AGAP1: variants seen among roughly 807,000 people sequenced by gnomAD.
AGAP1 encodes the protein ArfGAP with GTPase domain, ankyrin repeat and PH domain 1, also known as arf-GAP with GTPase, ANK repeat and PH domain-containing protein 1.
A neutral mutation model predicts 105.3 loss-of-function variants in AGAP1; 29 were observed. That is an observed-to-expected ratio of 0.28 (90% CI 0.21 to 0.38). The LOEUF is 0.38. Among genes scored for constraint, AGAP1 ranks in the 10% least tolerant of loss-of-function variants. The pLI, the probability that AGAP1 is intolerant of heterozygous loss-of-function variation, is 1.00. For synonymous variants in AGAP1, 509 were observed against 485.9 expected (o/e 1.05, Z -0.63); for missense variants, 998 against 1,165.1 (o/e 0.86, Z 2.09).
At chr2:235,846,828 A>G (rs938904970) in intron 9 of AGAP1, among the ~76,000 whole-genome samples, 1 of 152,048 alleles carries the variant, frequency 6.6e-6, no homozygotes, top group African/African-American at 2.4e-5. Context: ...GGGTCTCACT[A>G]TGTGTCCCAG....
In AGAP1 at chr2:235,726,970, A is replaced by G. The variant is rs371133837; in HGVS notation, c.310+9326A>G. Among the ~76,000 whole-genome samples the G allele has an allele frequency of 7.1e-4, 108 of 152,358 alleles. 1 individual carries two copies. The highest frequency in any genetic ancestry group is 2.5e-3 in the African/African-American group (105 of 41,586). ...TGTTGGGTGGGCATCATGCCCAGCA[A>G]GGTCTCCCCACTTGGTAGCAAGCCC... On this transcript the variant is annotated intron_variant, in intron 3 of 17. Coordinates refer to ENST00000304032, the MANE Select transcript of AGAP1 (RefSeq NM_001037131.3).
At position 236,020,879 on chromosome 2, in the gene AGAP1, A is replaced by G. The variant is rs2056860546; in HGVS notation, c.1646-15682A>G. Among the ~76,000 whole-genome samples the G allele has an allele frequency of 6.6e-6, 1 of 152,130 alleles. No individual in the cohort carries two copies. The highest frequency in any genetic ancestry group is 1.5e-5 in the Non-Finnish European group (1 of 68,026). ...AGCAGCACCAACTAAGAACTAATGC[A>G]GGTAGGCCGGGCACAGTGGCTCACA... On this transcript the variant is annotated intron_variant, in intron 13 of 17. Coordinates refer to ENST00000304032, the MANE Select transcript of AGAP1 (RefSeq NM_001037131.3). This position sits in a 1 kb window ranked among gnomAD's most constrained non-coding sequence, Gnocchi z 5.0.
At chr2:235,656,276 C>T (rs191706829) in intron 1 of AGAP1, among the ~76,000 whole-genome samples, 11 of 152,290 alleles carry the variant, frequency 7.2e-5, no homozygotes, top group African/African-American at 1.4e-4. Flanking sequence ...TTTAAGGCTA[C>T]GTTCAGAAGC....
intron 8 of AGAP1, among the ~76,000 whole-genome samples, chr2:235,806,900 C>G (rs1251255895): frequency 6.6e-6 from 1 of 152,108 alleles, no homozygotes; most frequent in African/African-American, 2.4e-5. Context: ...TTTTCCTCGG[C>G]TGTGTGAACT....
intron 5 of AGAP1, among the ~76,000 whole-genome samples, chr2:235,748,779 C>T (rs564845822): frequency 6.6e-6 from 1 of 152,324 alleles, no homozygotes; most frequent in South Asian, 2.1e-4. Context: ...AAGGTGGTCG[C>T]TCTGTTGTAT....
In AGAP1 at chr2:235,976,503, C is replaced by G. The variant is rs943499391; in HGVS notation, c.1645+7880C>G. ...AGATTCCCATCGTGATGAACCGACGCACAGAAGGATGTTTGTAGTGTGGTT... is the reference window on the plus strand; with the variant it reads ...AGATTCCCATCGTGATGAACCGACGGACAGAAGGATGTTTGTAGTGTGGTT... On this transcript the variant is annotated intron_variant, in intron 13 of 17. Transcript: ENST00000304032. The surrounding 1 kb of genome is among the most constrained non-coding windows in gnomAD (Gnocchi z 4.5). Among the ~76,000 whole-genome samples, 56 of 152,282 alleles carry G rather than the reference C, an allele frequency of 3.7e-4. No homozygotes were observed. The highest frequency in any genetic ancestry group is 1.2e-3 in the African/African-American group (50 of 41,554).
At chr2:236,091,525 C>T (rs1024202754) in intron 16 of AGAP1, among the ~76,000 whole-genome samples, 1 of 152,180 alleles carries the variant, frequency 6.6e-6, no homozygotes, top group Non-Finnish European at 1.5e-5. Flanking sequence ...AATCCCAGCA[C>T]TTTGGGAGGC....
chr2:235,696,326 G>A (rs1252724300), intron 1 of AGAP1, among the ~76,000 whole-genome samples: 7 of 152,240 alleles, frequency 4.6e-5, no homozygotes, highest in African/African-American at 9.6e-5. Flanking sequence ...GATTACAGGC[G>A]TGAGCCACGG....
chr2:235,540,309 G>A (rs1272848850), intron 1 of AGAP1, among the ~76,000 whole-genome samples: 1 of 151,898 alleles, frequency 6.6e-6, no homozygotes, highest in African/African-American at 2.4e-5. Flanking sequence ...CGCCACCAAC[G>A]CCTGGCTAAT....
chr2:236,111,369 A>G (rs1489083590), intron 16 of AGAP1, among the ~76,000 whole-genome samples: 3 of 151,756 alleles, frequency 2.0e-5, no homozygotes, highest in East Asian at 1.9e-4. Flanking sequence ...AAAAAAAATT[A>G]TGCAGGCATG....
intron 12 of AGAP1, among the ~76,000 whole-genome samples, chr2:235,966,990 T>C (rs906692322): frequency 4.6e-5 from 7 of 152,200 alleles, no homozygotes; most frequent in Admixed American, 4.6e-4. Flanking sequence ...TCATTTTGAT[T>C]TCCATTATCT....
Position 236,014,925 on chromosome 2 carries a change from TC to T in AGAP1, c.1646-21632del. 2.9e-6 allele frequency: 1 copy of T among 348,038 alleles called. No homozygotes were observed. Among genetic ancestry groups the T allele is most frequent in the South Asian group, 2.2e-5 (1 of 44,960 alleles). 21.6% of individuals were successfully genotyped at this position (348,038 alleles called of 1,614,324 possible). A position where few individuals can be genotyped will look rare whatever the true frequency, so the allele number is the denominator to read the frequency against. On this transcript the variant is annotated intron_variant, in intron 13 of 17. Transcript: ENST00000304032. This position sits in a 1 kb window ranked among gnomAD's most constrained non-coding sequence, Gnocchi z 6.3. ...CCCGCCCACACCTCCACCTGCCTCTTCCCCTCTCATCCCCTGCCCGCCCCTT... is the reference window on the plus strand; with the variant it reads ...CCCGCCCACACCTCCACCTGCCTCTTCCCTCTCATCCCCTGCCCGCCCCTT...
Position 235,599,045 on chromosome 2 carries a change from C to T in AGAP1, c.163+104196C>T, listed in dbSNP as rs1574936148. Among the ~76,000 whole-genome samples, 1 of 152,240 alleles carries T rather than the reference C, an allele frequency of 6.6e-6. No homozygotes were observed. The highest frequency in any genetic ancestry group is 2.1e-4 in the South Asian group (1 of 4,816). On this transcript the variant is annotated intron_variant, in intron 1 of 17. Coordinates refer to ENST00000304032, the MANE Select transcript of AGAP1 (RefSeq NM_001037131.3). The surrounding 1 kb of genome is among the most constrained non-coding windows in gnomAD (Gnocchi z 5.3). ...ACACAGATGAGCTCACTGCTGTCCTCGGAGCAGGTAGGAATGTATTTATTT... is the reference window on the plus strand; with the variant it reads ...ACACAGATGAGCTCACTGCTGTCCTTGGAGCAGGTAGGAATGTATTTATTT...
chr2:235,738,071 C>T (rs558875447), intron 3 of AGAP1, among the ~76,000 whole-genome samples: 1 of 152,036 alleles, frequency 6.6e-6, no homozygotes, highest in South Asian at 2.1e-4. Flanking sequence ...GGTGTGGCGG[C>T]GAGGTCCCTC....
At chr2:235,590,116 A>G (rs1945277979) in intron 1 of AGAP1, among the ~76,000 whole-genome samples, 1 of 151,834 alleles carries the variant, frequency 6.6e-6, no homozygotes, top group Non-Finnish European at 1.5e-5. Flanking sequence ...CCTGACTTCA[A>G]GTGATCTGCC....
rs141518328 is a variant in AGAP1, at chr2:236,050,340, G to C, written c.2114+1059G>C. 5.2e-3 allele frequency among the ~76,000 whole-genome samples: 798 copies of C among 152,266 alleles called. 3 individuals carry two copies. Among genetic ancestry groups the C allele is most frequent in the Non-Finnish European group, 9.7e-3 (663 of 68,030 alleles). ...AATGAAGCTGGTGTGTTACTCATCT[G>C]GCTCTCCGTATGAGGGATTCTTTGG... is the stretch of plus-strand genomic sequence containing the variant. On this transcript the variant is annotated intron_variant, in intron 16 of 17. Coordinates refer to ENST00000304032, the MANE Select transcript of AGAP1 (RefSeq NM_001037131.3). This position sits in a 1 kb window ranked among gnomAD's most constrained non-coding sequence, Gnocchi z 4.0.
In AGAP1 at chr2:236,124,199, C is replaced by G; in HGVS notation, c.*77C>G. 6.8e-7 allele frequency: 1 copy of G among 1,475,760 alleles called. No individual in the cohort carries two copies. The highest frequency in any genetic ancestry group is 9.2e-7 in the Non-Finnish European group (1 of 1,082,340). 91.4% of individuals were successfully genotyped at this position (1,475,760 alleles called of 1,614,324 possible). A position where few individuals can be genotyped will look rare whatever the true frequency, so the allele number is the denominator to read the frequency against. On this transcript the variant is annotated 3_prime_UTR_variant, in exon 18 of 18. Coordinates refer to ENST00000304032, the MANE Select transcript of AGAP1 (RefSeq NM_001037131.3). This position sits in a 1 kb window ranked among gnomAD's most constrained non-coding sequence, Gnocchi z 5.1. ...GCATTCTCGCTCAGAAGTCGCAGCA[C>G]GTGAGTCCCGTCGCATCCCCTCCCT...
Position 235,662,264 on chromosome 2 carries a change from A to G in AGAP1, c.164-46915A>G, listed in dbSNP as rs1421611375. On this transcript the variant is annotated intron_variant, in intron 1 of 17. Coordinates refer to ENST00000304032, the MANE Select transcript of AGAP1 (RefSeq NM_001037131.3). The surrounding 1 kb of genome is among the most constrained non-coding windows in gnomAD (Gnocchi z 4.2). ...TTGCATGCCAGGTAGTCACATCTTA[A>G]CTTGTGGCGCGGCTTTAGAGAGTGT... is the stretch of plus-strand genomic sequence containing the variant. 6.6e-6 allele frequency among the ~76,000 whole-genome samples: 1 copy of G among 152,102 alleles called. No individual in the cohort carries two copies. The highest frequency in any genetic ancestry group is 1.5e-5 in the Non-Finnish European group (1 of 68,010).
chr2:235,759,404 C>G (rs753290761), intron 6 of AGAP1, among the ~76,000 whole-genome samples: 1 of 149,724 alleles, frequency 6.7e-6, no homozygotes, highest in South Asian at 2.1e-4. Context: ...CTCCTGACCT[C>G]GTGATCCGCC....
Sources: gnomAD v4.1 joint callset for allele counts (sites outside exome capture counted in the v4.1 genomes callset) on GRCh38, gnomAD v4.1.1 for gene constraint, Gnocchi (gnomAD v3.1) non-coding constraint, MANE v1.5 for transcripts, NCBI Gene and HGNC (gene_info 2026-07-23, HGNC 2026-07-21) for gene names.